Variants in JAG2 observed in about 807,000 individuals in gnomAD.
JAG2 encodes protein jagged-2.
A neutral mutation model predicts 141.7 loss-of-function variants in JAG2; 46 were observed. The ratio of observed to expected loss-of-function variants is 0.32; its 90% confidence interval spans 0.26 to 0.42. JAG2 has a LOEUF of 0.42. JAG2 is among the 10% of genes least tolerant of loss of function. JAG2 has a pLI of 1.00. For missense variants in JAG2, 1,500 were observed against 1,817.5 expected (o/e 0.83, Z 3.18); for synonymous variants, 862 against 763.5 (o/e 1.13, Z -2.13).
At chr14:105,145,159 C>T in intron 23 of JAG2, 98 bp from the exon 24 acceptor site, 7 of 1,513,002 alleles carry the variant, frequency 4.6e-6, no homozygotes, top group East Asian at 2.3e-5. Context: ...ACACACCCTA[C>T]AGCCCGCCCA....
rs1888333143 is a variant in JAG2, at chr14:105,149,203, G to T, written c.1720C>A (p.Pro574Thr). ...DDFGGKNCSV[P>T]REPCPGGACR... ...GCCCCGCCAGGGCACGGCTCGCGGG[G>T]CACGGAGCAGTTCTTGCCACCAAAG... Residue 574 changes from proline to threonine, a missense_variant, in exon 13 of 26, where the codon CCC (proline) becomes ACC (threonine). This residue lies in a region of JAG2 where 875 missense variants were observed against 1,202.2 expected (regional missense o/e 0.73). Transcript: ENST00000331782. The T allele has an allele frequency of 6.2e-7, 1 of 1,612,300 alleles. No individual in the cohort carries two copies. The highest frequency in any genetic ancestry group is 8.5e-7 in the Non-Finnish European group (1 of 1,179,868).
intron 2 of JAG2, among the ~76,000 whole-genome samples, chr14:105,165,627 C>A (rs1888886116): frequency 6.6e-6 from 1 of 152,166 alleles, no homozygotes; most frequent in Non-Finnish European, 1.5e-5. Context: ...CAGAGGGCCA[C>A]CCAGCCAGGC....
rs989207928 is a variant in JAG2, at chr14:105,156,043, T to C, written c.476-54A>G. ...CCAGAGAAACCAGCCCGGCCAGGGGTCCTCCAGGAACAACGGGGACGGGGC... is the reference window on the plus strand; with the variant it reads ...CCAGAGAAACCAGCCCGGCCAGGGGCCCTCCAGGAACAACGGGGACGGGGC... On this transcript the variant is annotated intron_variant, in intron 3 of 25. Transcript: ENST00000331782. 10 of 1,588,072 alleles carry C rather than the reference T, an allele frequency of 6.3e-6. No homozygotes were observed. In the Admixed American group the frequency reaches 1.7e-4, roughly 27 times the overall value.
At position 105,152,017 on chromosome 14, in the gene JAG2, T is replaced by C; in HGVS notation, c.960A>G (p.Gly320=). The C allele has an allele frequency of 1.2e-6, 2 of 1,613,314 alleles. No individual in the cohort carries two copies. The change falls in exon 7 of 26, where the codon GGA becomes GGG. Residue 320 remains glycine, a synonymous_variant. Transcript: ENST00000331782. Reference sequence around the variant, plus strand: ...CAGGCTCGGCGTTGATGCACGTGCCTCCGTTGGTGCAGGGGTGGTGGCTGC... The same window carrying C: ...CAGGCTCGGCGTTGATGCACGTGCCCCCGTTGGTGCAGGGGTGGTGGCTGC... ...YCGSHHPCTN[G]GTCINAEPDQ...
In JAG2 at chr14:105,147,954, G is replaced by A. The variant is rs1055782071; in HGVS notation, c.2249-66C>T. The A allele has an allele frequency of 3.5e-5, 46 of 1,329,692 alleles. No individual in the cohort carries two copies. The East Asian group carries it at 5.5e-4, about 16-fold the overall frequency. The allele number at this position is 1,329,692 out of a possible 1,614,324, so 82.4% of individuals were successfully genotyped here. A position where few individuals can be genotyped will look rare whatever the true frequency, so the allele number is the denominator to read the frequency against. On this transcript the variant is annotated intron_variant, in intron 17 of 25. Coordinates refer to ENST00000331782, the MANE Select transcript of JAG2 (RefSeq NM_002226.5). ...TGGGCTGGCCCTGGGTCTCCATACC[G>A]CGCCCCCAACCCAGACAGGGCAGAC...
chr14:105,163,917 G>A (rs1888834040), intron 2 of JAG2, among the ~76,000 whole-genome samples: 1 of 152,080 alleles, frequency 6.6e-6, no homozygotes, highest in East Asian at 1.9e-4. Context: ...GCCTGGGATT[G>A]CAGATCCTTG....
chr14:105,153,055 C>CA, intron 5 of JAG2, among the ~76,000 whole-genome samples: 1 of 152,198 alleles, frequency 6.6e-6, no homozygotes, highest in South Asian at 2.1e-4. Context: ...GCAACGACCC[C>CA]AAGGCTCAGC....
intron 1 of JAG2, 73 bp from the exon 2 acceptor site, chr14:105,168,180 G>T: frequency 1.5e-6 from 2 of 1,295,054 alleles, no homozygotes; most frequent in South Asian, 3.7e-5. Flanking sequence ...AGGGGTGGGG[G>T]AACAGGCCCC....
At position 105,168,414 on chromosome 14, in the gene JAG2, C is replaced by T; in HGVS notation, c.7G>A (p.Ala3Thr). 2 of 930,840 alleles carry T rather than the reference C, an allele frequency of 2.1e-6. No individual in the cohort carries two copies. The highest frequency in any genetic ancestry group is 2.6e-6 in the Non-Finnish European group (2 of 774,934). The allele number at this position is 930,840 out of a possible 1,614,324, so 57.7% of individuals were successfully genotyped here. Residue 3 changes from alanine to threonine, a missense_variant, in exon 1 of 26, where the codon GCG becomes ACG. Ala to Thr is a moderately conservative substitution (Grantham distance 58, BLOSUM62 0). This residue lies in a region of JAG2 where 200 missense variants were observed against 174.3 expected (regional missense o/e 1.15). Transcript: ENST00000331782. MR[A>T]QGRGRLPRRL... ...CGGGGAAGGCGCCCCCGGCCCTGCG[C>T]CCGCATTGCCCCCGCGACCCGCCCG... is the stretch of plus-strand genomic sequence containing the variant.
At position 105,156,111 on chromosome 14, in the gene JAG2, A is replaced by G. The variant is rs113445510; in HGVS notation, c.476-122T>C. On this transcript the variant is annotated intron_variant, in intron 3 of 25. Transcript: ENST00000331782. ...GCAAGGCCGGGGCACAGCAGGCAGC[A>G]GCACACGGAGGGCAGGGCCCCCGGC... 28 of 1,289,568 alleles carry G rather than the reference A, an allele frequency of 2.2e-5. No individual in the cohort carries two copies. In the African/African-American group the frequency reaches 2.8e-4, roughly 13 times the overall value. The allele number at this position is 1,289,568 out of a possible 1,614,324, so 79.9% of individuals were successfully genotyped here.
intron 2 of JAG2, among the ~76,000 whole-genome samples, chr14:105,164,967 G>C (rs775119449): frequency 1.3e-5 from 2 of 152,136 alleles, no homozygotes; most frequent in African/African-American, 4.8e-5. Flanking sequence ...CACCCATCCC[G>C]TTCTCCTCAT....
At chr14:105,146,945 G>A in intron 20 of JAG2, 2 of 643,834 alleles carry the variant, frequency 3.1e-6, no homozygotes, top group East Asian at 5.5e-5. Context: ...TTCTGCAGTG[G>A]GCCTGTCCCA....
At chr14:105,148,704 G>T (rs1268845744) in intron 15 of JAG2, 41 bp downstream of exon 15, 5 of 1,482,590 alleles carry the variant, frequency 3.4e-6, no homozygotes, top group Non-Finnish European at 3.7e-6. Context: ...GCCCACAGGG[G>T]TGGAGGCACA....
In JAG2 at chr14:105,151,067, A is replaced by G. The variant is rs1459475609; in HGVS notation, c.1305T>C (p.Ala435=). Residue 435 remains alanine, a synonymous_variant, in exon 10 of 26, where the codon GCT becomes GCC. Coordinates refer to ENST00000331782, the MANE Select transcript of JAG2 (RefSeq NM_002226.5). The stretch of plus-strand genomic sequence containing the variant: ...CGCCAATCAGGTTTTTGCAAGAAAA[A>G]GCGTTAAGGCATGGCTTCCCTTCAC... ...NECEGKPCLN[A]FSCKNLIGGY... 1.9e-6 allele frequency: 3 copies of G among 1,613,248 alleles called. No homozygotes were observed. The highest frequency in any genetic ancestry group is 1.7e-5 in the Admixed American group (1 of 59,990).
Position 105,146,716 on chromosome 14 carries a change from C to T in JAG2, c.2488G>A (p.Glu830Lys), listed in dbSNP as rs1160488192. Residue 830 changes from glutamate (E) to lysine (K), a missense_variant, in exon 21 of 26, where the codon GAG becomes AAG. Around this residue, in one of 3 missense-constraint regions of JAG2, gnomAD observed 875 missense variants for 1,202.2 expected, o/e 0.73. Coordinates refer to ENST00000331782, the MANE Select transcript of JAG2 (RefSeq NM_002226.5). ...TAGGCACAGGGCGAGGACTGGCACT[C>T]GTCGATGTCTGCAGGGAGAGCCACC... ...AGPDCRINID[E>K]CQSSPCAYGA... 1.9e-6 allele frequency: 3 copies of T among 1,611,970 alleles called. No homozygotes were observed. Among genetic ancestry groups the T allele is most frequent in the Non-Finnish European group, 1.7e-6 (2 of 1,179,466 alleles).
chr14:105,165,808 C>T (rs145558150), intron 2 of JAG2, among the ~76,000 whole-genome samples: 136 of 152,376 alleles, frequency 8.9e-4, no homozygotes, highest in Non-Finnish European at 1.7e-3. Flanking sequence ...CCACCCTAGC[C>T]TCCAGGCTGA....
At chr14:105,155,715 A>G in intron 4 of JAG2, 23 bp downstream of exon 4, 1 of 1,612,562 alleles carries the variant, frequency 6.2e-7, no homozygotes, top group Non-Finnish European at 8.5e-7. Context: ...CCTGCCCTCC[A>G]CGCAGCCCAG....
Position 105,147,535 on chromosome 14 carries a change from G to A in JAG2, c.2366-8C>T. ...GGTTGCAGTCGTTGGTATCTGGTTT[G>A]GGAGAAGAGAACGCAGGGGATCAGT... On this transcript the variant is annotated splice_polypyrimidine_tract_variant and splice_region_variant and intron_variant, in intron 18 of 25. Transcript: ENST00000331782. 1 of 1,611,360 alleles carries A rather than the reference G, an allele frequency of 6.2e-7. No homozygotes were observed. Among genetic ancestry groups the A allele is most frequent in the Non-Finnish European group, 8.5e-7 (1 of 1,178,636 alleles).
chr14:105,151,431 T>C (rs1434523363), intron 8 of JAG2, 35 bp from the exon 9 acceptor site: 8 of 1,584,010 alleles, frequency 5.1e-6, no homozygotes, highest in East Asian at 2.2e-5. Context: ...GCCCTGGCAG[T>C]GTGAGCCGTG....
Sources: allele counts gnomAD v4.1 joint callset (sites outside exome capture counted in the v4.1 genomes callset), GRCh38; gene constraint gnomAD v4.1.1; regional missense constraint gnomAD v4.1.1; transcripts MANE v1.5; gene names NCBI Gene and HGNC (gene_info 2026-07-23, HGNC 2026-07-21).